The following GRIN2B variants were observed in gnomAD, a reference collection of about 807,000 sequenced individuals.
GRIN2B encodes the protein glutamate receptor ionotropic, NMDA 2B.
In GRIN2B, 5 loss-of-function variants were observed where a neutral mutation model predicts 114.5. The ratio of observed to expected loss-of-function variants is 0.04; its 90% CI spans 0.02 to 0.09. The LOEUF (loss-of-function observed/expected upper bound fraction) is 0.09, where lower values mean the gene tolerates loss of function less well. Among genes scored for constraint, GRIN2B ranks in the 10% least tolerant of loss-of-function variants. The pLI, the probability that GRIN2B is intolerant of heterozygous loss-of-function variation, is 1.00. For missense variants in GRIN2B, 1,108 were observed against 1,943.5 expected, an observed-to-expected ratio of 0.57 and a Z score of 8.08; for synonymous variants, 787 against 745.1, an observed-to-expected ratio of 1.06 and a Z score of -0.92.
intron 4 of GRIN2B, among the ~76,000 whole-genome samples, chr12:13,749,793 A>C (rs1863450561): frequency 1.3e-5 from 2 of 152,184 alleles, no homozygotes; most frequent in African/African-American, 4.8e-5. Context: ...ACTTGGGGCT[A>C]ACTCTATAAA....
chr12:13,606,781 T>C (rs1330975244), intron 10 of GRIN2B, among the ~76,000 whole-genome samples: 3 of 152,010 alleles, frequency 2.0e-5, no homozygotes, highest in Non-Finnish European at 4.4e-5. Flanking sequence ...ATGAAAGATG[T>C]TGATGAAGGA....
chr12:13,950,832 A>C (rs570960854), intron 2 of GRIN2B, among the ~76,000 whole-genome samples: 24 of 152,334 alleles, frequency 1.6e-4, no homozygotes, highest in Middle Eastern at 6.8e-3. Flanking sequence ...AAAGCAGTTC[A>C]ACCAAGGGCC....
intron 3 of GRIN2B, among the ~76,000 whole-genome samples, chr12:13,806,693 T>C (rs1864606064): frequency 6.6e-6 from 1 of 152,188 alleles, no homozygotes; most frequent in African/African-American, 2.4e-5. Flanking sequence ...GTTGCTTGTT[T>C]CCTTTGCTGT....
At position 13,548,435 on chromosome 12, in the gene GRIN2B, C is replaced by T. The variant is rs1179217508; in HGVS notation, c.*14348G>A. On this transcript the variant is annotated 3_prime_UTR_variant, in exon 14 of 14. Coordinates refer to ENST00000609686, the MANE Select transcript of GRIN2B (RefSeq NM_000834.5). Reference sequence around the variant, plus strand: ...TCTGTGGTTTCAATCAAATAATTCTCCATTCATGCCCTCAGAGTCCCCAAG... The same window carrying T: ...TCTGTGGTTTCAATCAAATAATTCTTCATTCATGCCCTCAGAGTCCCCAAG... 1 of 151,420 alleles carries T rather than the reference C, an allele frequency of 6.6e-6. No homozygotes were observed. The highest frequency in any genetic ancestry group is 6.6e-5 in the Admixed American group (1 of 15,112). The allele number at this position is 151,420 out of a possible 1,614,324, so 9.4% of individuals were successfully genotyped here.
intron 11 of GRIN2B, among the ~76,000 whole-genome samples, chr12:13,571,384 A>G (rs541185323): frequency 1.3e-5 from 2 of 152,292 alleles, no homozygotes; most frequent in South Asian, 4.1e-4. Flanking sequence ...ACGCATTCTT[A>G]CTGTTAATTA....
intron 2 of GRIN2B, among the ~76,000 whole-genome samples, chr12:13,876,437 A>T (rs11055660): frequency 3.9e-5 from 6 of 152,168 alleles, no homozygotes; most frequent in African/African-American, 1.4e-4. Flanking sequence ...GAGTCAAAGA[A>T]CTTCTGCCCT....
At chr12:13,594,320 T>C (rs1001097071) in intron 10 of GRIN2B, among the ~76,000 whole-genome samples, 2 of 152,168 alleles carry the variant, frequency 1.3e-5, no homozygotes, top group African/African-American at 4.8e-5. Context: ...GTGGCACATA[T>C]ATACCATGGA....
chr12:13,602,543 A>T (rs137982585), intron 10 of GRIN2B, among the ~76,000 whole-genome samples: 2 of 152,336 alleles, frequency 1.3e-5, no homozygotes, highest in East Asian at 3.9e-4. Context: ...TTCCTCACAC[A>T]TGCTCAACAA....
intron 2 of GRIN2B, among the ~76,000 whole-genome samples, chr12:13,868,237 C>A (rs1382213408): frequency 6.6e-6 from 1 of 152,118 alleles, no homozygotes; most frequent in Non-Finnish European, 1.5e-5. Flanking sequence ...TTACTCCTGA[C>A]AGTTTTCTGA....
At chr12:13,641,868 T>C (rs1050694067) in intron 5 of GRIN2B, among the ~76,000 whole-genome samples, 6 of 152,050 alleles carry the variant, frequency 3.9e-5, no homozygotes, top group African/African-American at 1.4e-4. Context: ...ACAAGTGAAA[T>C]TTAATTAATC....
chr12:13,850,797 T>C lies in GRIN2B; in HGVS notation c.411+15001A>G, dbSNP rs553473801. On this transcript the variant is annotated intron_variant, in intron 3 of 13. Transcript: ENST00000609686. ...GTGTTCAAAATAAAGTGAAGCATAC[T>C]GGTGAAATCCATGGACTTCACTGTC... 1.8e-4 allele frequency among the ~76,000 whole-genome samples: 28 copies of C among 152,322 alleles called. No homozygotes were observed. In the South Asian group the frequency reaches 5.4e-3, roughly 29 times the overall value.
At position 13,545,629 on chromosome 12, in the gene GRIN2B, T is replaced by C. The variant is rs934518951; in HGVS notation, c.*17154A>G. ...TTTTAACCAATGGCAAGTGCAGAGC[T>C]CACTTTTCATGATTTTTCTGGTTTG... On this transcript the variant is annotated 3_prime_UTR_variant, in exon 14 of 14. Coordinates refer to ENST00000609686, the MANE Select transcript of GRIN2B (RefSeq NM_000834.5). 1 of 152,198 alleles carries C rather than the reference T, an allele frequency of 6.6e-6. No homozygotes were observed. The highest frequency in any genetic ancestry group is 2.4e-5 in the African/African-American group (1 of 41,460). The allele number at this position is 152,198 out of a possible 1,614,324, so 9.4% of individuals were successfully genotyped here.
intron 3 of GRIN2B, among the ~76,000 whole-genome samples, chr12:13,806,146 T>C (rs1864595565): frequency 6.6e-6 from 1 of 152,162 alleles, no homozygotes; most frequent in South Asian, 2.1e-4. Context: ...GACACTTAGG[T>C]TGACTCCATA....
chr12:13,830,225 T>C (rs1363830054), intron 3 of GRIN2B, among the ~76,000 whole-genome samples: 1 of 152,228 alleles, frequency 6.6e-6, no homozygotes, highest in African/African-American at 2.4e-5. Context: ...TCATACTTTT[T>C]GTTATGATTG....
intron 4 of GRIN2B, among the ~76,000 whole-genome samples, chr12:13,732,513 T>A (rs779930223): frequency 2.0e-5 from 3 of 152,210 alleles, no homozygotes; most frequent in South Asian, 4.1e-4. Flanking sequence ...CCAAGATGTA[T>A]CAAGGCTGTA....
chr12:13,603,973 A>G (rs1286685729), intron 10 of GRIN2B, among the ~76,000 whole-genome samples: 2 of 152,198 alleles, frequency 1.3e-5, no homozygotes, highest in Non-Finnish European at 2.9e-5. Context: ...TAGCATACAC[A>G]GAGCATACAA....
At chr12:13,598,650 T>C (rs1158169105) in intron 10 of GRIN2B, among the ~76,000 whole-genome samples, 1 of 152,158 alleles carries the variant, frequency 6.6e-6, no homozygotes, top group Non-Finnish European at 1.5e-5. Flanking sequence ...AAAGTAGTTT[T>C]CTCTCACAAT....
intron 2 of GRIN2B, among the ~76,000 whole-genome samples, chr12:13,907,582 T>G (rs1866561797): frequency 6.6e-6 from 1 of 152,036 alleles, no homozygotes; most frequent in Non-Finnish European, 1.5e-5. Context: ...AAAATTTATC[T>G]CAGGTTGACA....
chr12:13,863,982 G>T (rs1038331677), intron 3 of GRIN2B, among the ~76,000 whole-genome samples: 1 of 152,096 alleles, frequency 6.6e-6, no homozygotes, highest in African/African-American at 2.4e-5. Flanking sequence ...AATATAATTT[G>T]CTAAGGACAA....
Sources: gnomAD v4.1 joint callset for allele counts (sites outside exome capture counted in the v4.1 genomes callset) on GRCh38, gnomAD v4.1.1 for gene constraint, MANE v1.5 for transcripts, NCBI Gene and HGNC (gene_info 2026-07-23, HGNC 2026-07-21) for gene names.